Variants in ARFRP1 observed in about 807,000 individuals in gnomAD.
The protein encoded by ARFRP1 is ADP-ribosylation factor-related protein 1.
Under a neutral mutation model 30.3 loss-of-function variants are expected in ARFRP1, and 19 were observed. That is an observed-to-expected ratio of 0.63 (90% CI 0.44 to 0.92). The LOEUF (loss-of-function observed/expected upper bound fraction) is 0.92. Ranked by LOEUF, ARFRP1 falls within the 40% of genes least tolerant of loss-of-function variation. The pLI, the probability that ARFRP1 is intolerant of heterozygous loss-of-function variation, is 0.00. For synonymous variants in ARFRP1, 133 were observed against 114.2 expected (o/e 1.16, Z -1.05); for missense variants, 245 against 267.5 (o/e 0.92, Z 0.59).
Position 63,700,387 on chromosome 20 carries a change from G to T in ARFRP1, c.*56C>A. The T allele has an allele frequency of 6.3e-7, 1 of 1,597,956 alleles. No homozygotes were observed. The highest frequency in any genetic ancestry group is 8.5e-7 in the Non-Finnish European group (1 of 1,177,756). On this transcript the variant is annotated 3_prime_UTR_variant, in exon 8 of 8. Transcript: ENST00000622789. ...AGATCAGCAGCATGGGAGCCAACAG[G>T]AGGCCACTCCTCCAGCACCAGGGGA...
chr20:63,702,012 C>A (rs974289687), intron 5 of ARFRP1, 112 bp from the exon 6 acceptor site: 2 of 906,292 alleles, frequency 2.2e-6, no homozygotes, highest in Non-Finnish European at 3.2e-6. Context: ...CCCCCCCCCC[C>A]GTCACCCACT....
intron 4 of ARFRP1, chr20:63,704,385 T>A (rs1204228114): frequency 6.6e-6 from 1 of 152,248 alleles, no homozygotes; most frequent in Non-Finnish European, 1.5e-5. Context: ...CTCATGGGCA[T>A]GACTTGCACC....
At chr20:63,706,804 TCAGGTCTGTTCTTTAAAAGA>T in intron 2 of ARFRP1, 66 bp from the exon 3 acceptor site, 1 of 1,390,844 alleles carries the variant, frequency 7.2e-7, no homozygotes, top group Non-Finnish European at 1.0e-6. Context: ...ATATCCTTAC[TCAGGTCTGTTCTTTAAAAGA>T]CAGAAACAGA....
In ARFRP1 at chr20:63,701,626, G is replaced by A. The variant is rs532249753; in HGVS notation, c.417+204C>T. The A allele has an allele frequency of 2.6e-5, 16 of 604,024 alleles. No individual in the cohort carries two copies. In the South Asian group the frequency reaches 3.0e-4, roughly 11 times the overall value. The allele number at this position is 604,024 out of a possible 1,614,324, so 37.4% of individuals were successfully genotyped here. ...GCCTCTGGGCGCCTGCCCTGAGGTGGGAGAACCTCCAGGGCTGGCAGCAGC... is the reference window on the plus strand; with the variant it reads ...GCCTCTGGGCGCCTGCCCTGAGGTGAGAGAACCTCCAGGGCTGGCAGCAGC... On this transcript the variant is annotated intron_variant, in intron 6 of 7. Transcript: ENST00000622789.
At position 63,699,749 on chromosome 20, in the gene ARFRP1, G is replaced by C. The variant is rs2091100394; in HGVS notation, c.*694C>G. The C allele has an allele frequency of 6.5e-6, 1 of 153,724 alleles. No homozygotes were observed. Among genetic ancestry groups the C allele is most frequent in the Non-Finnish European group, 1.4e-5 (1 of 69,182 alleles). The allele number at this position is 153,724 out of a possible 1,614,324, so 9.5% of individuals were successfully genotyped here. On this transcript the variant is annotated 3_prime_UTR_variant, in exon 8 of 8. Coordinates refer to ENST00000622789, the MANE Select transcript of ARFRP1 (RefSeq NM_001267547.3). ...GACCCCCACAAACACTCCCCAACTT[G>C]CGGGGCTGGGGCATAAAAACAGCCA...
At chr20:63,701,725 G>T in intron 6 of ARFRP1, 105 bp downstream of exon 6, 1 of 1,055,590 alleles carries the variant, frequency 9.5e-7, no homozygotes, top group Non-Finnish European at 1.4e-6. Context: ...TGTACCCCCT[G>T]GGCAGTCACT....
Position 63,700,633 on chromosome 20 carries a change from A to G in ARFRP1, c.487T>C (p.Cys163Arg). Residue 163 changes from cysteine (C) to arginine (R), a missense_variant, in exon 7 of 8, where the codon TGC (cysteine) becomes CGC (arginine). Cys to Arg is a radical substitution (Grantham distance 180). Coordinates refer to ENST00000622789, the MANE Select transcript of ARFRP1 (RefSeq NM_001267547.3). Reference protein sequence around the residue: ...DCTSKIGRRDCLTQACSALTG... With the variant: ...DCTSKIGRRDRLTQACSALTG... ...AGGGCCGAGCAGGCCTGGGTCAGGC[A>G]ATCTCGCCTGCCGATCTTGCTGGTG... The G allele has an allele frequency of 6.2e-7, 1 of 1,610,802 alleles. No individual in the cohort carries two copies. The highest frequency in any genetic ancestry group is 8.5e-7 in the Non-Finnish European group (1 of 1,179,834).
At chr20:63,705,474 G>A in intron 4 of ARFRP1, 2 of 405,438 alleles carry the variant, frequency 4.9e-6, no homozygotes, top group Non-Finnish European at 9.7e-6. Context: ...AGGCTGAGAA[G>A]GAGATAAACT....
chr20:63,706,000 G>A (rs975319306), intron 4 of ARFRP1: 10 of 350,844 alleles, frequency 2.9e-5, no homozygotes, highest in Admixed American at 1.2e-4. Context: ...CAGTGAACAC[G>A]CCCTTCTCTC....
rs530276546 is a variant in ARFRP1, at chr20:63,700,441, G to T, written c.*2C>A. The T allele has an allele frequency of 6.2e-7, 1 of 1,608,082 alleles. No individual in the cohort carries two copies. Reference sequence around the variant, plus strand: ...GCCGTCCCGACGGCAGCGCGGCTGCGCCTACGTGATGTCCCTCTGCCGCGG... The same window carrying T: ...GCCGTCCCGACGGCAGCGCGGCTGCTCCTACGTGATGTCCCTCTGCCGCGG... On this transcript the variant is annotated 3_prime_UTR_variant, in exon 8 of 8. Transcript: ENST00000622789.
chr20:63,700,878 G>T, intron 6 of ARFRP1, 176 bp from the exon 7 acceptor site: 1 of 798,348 alleles, frequency 1.3e-6, no homozygotes, highest in Non-Finnish European at 1.9e-6. Flanking sequence ...CTCAGCCCGA[G>T]GCTGAACATG....
In ARFRP1 at chr20:63,698,723, GA is replaced by G. The variant is rs1366823381; in HGVS notation, c.*1719del. The G allele has an allele frequency of 7.7e-6, 7 of 914,306 alleles. No individual in the cohort carries two copies. The highest frequency in any genetic ancestry group is 1.1e-5 in the Non-Finnish European group (7 of 661,980). The allele number at this position is 914,306 out of a possible 1,614,324, so 56.6% of individuals were successfully genotyped here. On this transcript the variant is annotated 3_prime_UTR_variant, in exon 8 of 8. Transcript: ENST00000622789. ...CACAGCTACTGGGAGGGCAGCCGGG[GA>G]CACCTGAGCCGCCCGCTGTGCCCAG...
intron 5 of ARFRP1, 27 bp from the exon 6 acceptor site, chr20:63,701,927 TCA>T: frequency 6.5e-7 from 1 of 1,536,050 alleles, no homozygotes; most frequent in Non-Finnish European, 8.7e-7. Context: ...AGGCAGCGCC[TCA>T]CACCCAGCAT....
chr20:63,698,754 C>T lies in ARFRP1; in HGVS notation c.*1689G>A. On this transcript the variant is annotated 3_prime_UTR_variant, in exon 8 of 8. Transcript: ENST00000622789. Reference sequence around the variant, plus strand: ...TGAGCCGCCCGCTGTGCCCAGATCCCTCAGGCTGCCTGCCATCAGAACTGC... The same window carrying T: ...TGAGCCGCCCGCTGTGCCCAGATCCTTCAGGCTGCCTGCCATCAGAACTGC... 3.3e-6 allele frequency: 2 copies of T among 599,270 alleles called. No individual in the cohort carries two copies. Among genetic ancestry groups the T allele is most frequent in the Non-Finnish European group, 5.2e-6 (2 of 385,596 alleles). 37.1% of individuals were successfully genotyped at this position (599,270 alleles called of 1,614,324 possible).
intron 4 of ARFRP1, chr20:63,702,707 C>T (rs975936505): frequency 6.3e-6 from 1 of 157,538 alleles, no homozygotes; most frequent in African/African-American, 2.4e-5. Context: ...GCACTCCAGC[C>T]TGGGTGAGAA....
rs1219460624 is a variant in ARFRP1, at chr20:63,702,142, C to A, written c.340G>T (p.Ala114Ser). 6 of 1,611,082 alleles carry A rather than the reference C, an allele frequency of 3.7e-6. No individual in the cohort carries two copies. Among genetic ancestry groups the A allele is most frequent in the South Asian group, 2.2e-5 (2 of 91,030 alleles). ...DEERLAESKQ[A>S]FEKVVTSEAL... ...GCAGCCAGGCCGCACTCACCAAACG[C>A]CTGCTTGGACTCAGCCAGCCTCTCC... The change falls in exon 5 of 8, where the codon GCG becomes TCG. Residue 114 changes from alanine to serine, a missense_variant. By Grantham distance (99) the Ala-to-Ser change is moderately conservative (BLOSUM62 1). Coordinates refer to ENST00000622789, the MANE Select transcript of ARFRP1 (RefSeq NM_001267547.3).
At chr20:63,703,523 A>G (rs1408654725) in intron 4 of ARFRP1, 1 of 152,338 alleles carries the variant, frequency 6.6e-6, no homozygotes, top group African/African-American at 2.4e-5. Context: ...TCTGGCCTAC[A>G]GACAGGTCCC....
chr20:63,701,976 C>T (rs1246830818), intron 5 of ARFRP1, 76 bp from the exon 6 acceptor site: 3 of 1,303,308 alleles, frequency 2.3e-6, no homozygotes, highest in African/African-American at 1.5e-5. Context: ...CAGGCGTGGA[C>T]ACTGTGACAG....
At chr20:63,701,395 TGAG>T (rs769297940) in intron 6 of ARFRP1, 19 of 532,574 alleles carry the variant, frequency 3.6e-5, no homozygotes, top group South Asian at 2.2e-4. Context: ...AGAGGGGTCT[TGAG>T]GGGCTGCCCT....
Sources: allele counts gnomAD v4.1 joint callset, GRCh38; gene constraint gnomAD v4.1.1; transcripts MANE v1.5; gene names NCBI Gene and HGNC (gene_info 2026-07-23, HGNC 2026-07-21).